Variants in TG observed in about 807,000 individuals in gnomAD.
TG encodes thyroid hormones.
A neutral mutation model predicts 324.7 loss-of-function variants in TG; 270 were observed. The observed-to-expected ratio is 0.83, with a 90% CI of 0.75 to 0.92. The LOEUF is 0.92. TG is among the 40% of genes least tolerant of loss of function. TG has a pLI of 0.00. For missense variants in TG, 3,591 were observed against 3,456.4 expected (o/e 1.04, Z -0.98); for synonymous variants, 1,401 against 1,327.0 (o/e 1.06, Z -1.21).
chr8:132,967,772 C>T, intron 30 of TG, 22 bp from the exon 31 acceptor site: 2 of 1,613,022 alleles, frequency 1.2e-6, no homozygotes, highest in Non-Finnish European at 1.7e-6. Context: ...AAACTAAAAT[C>T]ACACTACTCT....
At chr8:133,044,895 C>G in intron 41 of TG, 1 of 1,323,732 alleles carries the variant, frequency 7.6e-7, no homozygotes, top group Admixed American at 1.7e-5. Flanking sequence ...TAAGCAAGAC[C>G]CCTCTGCATT....
At chr8:132,997,783 A>G (rs1833021831) in intron 35 of TG, among the ~76,000 whole-genome samples, 1 of 152,246 alleles carries the variant, frequency 6.6e-6, no homozygotes, top group Non-Finnish European at 1.5e-5. Context: ...AGCTAAAAAA[A>G]GAATTGTGGA....
chr8:132,886,569 A>C lies in TG; in HGVS notation c.1197A>C (p.Pro399=). The C allele has an allele frequency of 6.2e-7, 1 of 1,614,180 alleles. No individual in the cohort carries two copies. The highest frequency in any genetic ancestry group is 8.5e-7 in the Non-Finnish European group (1 of 1,180,038). ...CCCCAGAGAAAAGATGGGCCTCTCC[A>C]AGAGTAGCCAGATTTGCCACATCCT... The part of the protein sequence containing the change: ...FSSPEKRWAS[P]RVARFATSCP... Residue 399 remains proline (P), a synonymous_variant, in exon 9 of 48, where the codon CCA becomes CCC. Coordinates refer to ENST00000220616, the MANE Select transcript of TG (RefSeq NM_003235.5).
intron 35 of TG, among the ~76,000 whole-genome samples, chr8:132,989,247 C>G (rs1450403324): frequency 6.6e-6 from 1 of 152,196 alleles, no homozygotes; most frequent in Non-Finnish European, 1.5e-5. Flanking sequence ...TTGGGTGGGA[C>G]ACAGAGCCAA....
At position 133,094,828 on chromosome 8, in the gene TG, A is replaced by G. The variant is rs569074278; in HGVS notation, c.7240-216A>G. ...AGCACCCTCACTTCACAGGTTAGGA[A>G]ACTGAGGCCTAGAGAGACATCTTCA... is the stretch of plus-strand genomic sequence containing the variant. On this transcript the variant is annotated intron_variant, in intron 41 of 47. Coordinates refer to ENST00000220616, the MANE Select transcript of TG (RefSeq NM_003235.5). 4 of 648,494 alleles carry G rather than the reference A, an allele frequency of 6.2e-6. No individual in the cohort carries two copies. In the East Asian group the frequency reaches 8.4e-5, roughly 14 times the overall value. 40.2% of individuals were successfully genotyped at this position (648,494 alleles called of 1,614,324 possible). A position where few individuals can be genotyped will look rare whatever the true frequency, so the allele number is the denominator to read the frequency against.
intron 5 of TG, among the ~76,000 whole-genome samples, chr8:132,874,828 G>A (rs370320236): frequency 2.0e-4 from 31 of 152,288 alleles, no homozygotes; most frequent in African/African-American, 4.1e-4. Flanking sequence ...GAGGCTGCAC[G>A]CACGCACTCA....
intron 5 of TG, among the ~76,000 whole-genome samples, chr8:132,877,167 TCTTA>T (rs1813933736): frequency 6.6e-6 from 1 of 152,086 alleles, no homozygotes; most frequent in South Asian, 2.1e-4. Flanking sequence ...TGAGACAGAG[TCTTA>T]CTTTGTCACC....
At chr8:133,079,896 C>T (rs895905603) in intron 41 of TG, among the ~76,000 whole-genome samples, 6 of 151,724 alleles carry the variant, frequency 4.0e-5, no homozygotes, top group Non-Finnish European at 5.9e-5. Flanking sequence ...CCTTCAAGAT[C>T]GCATACAAGA....
chr8:133,105,801 A>G (rs1314163916), intron 43 of TG, among the ~76,000 whole-genome samples: 1 of 152,150 alleles, frequency 6.6e-6, no homozygotes, highest in Non-Finnish European at 1.5e-5. Flanking sequence ...AGACAGCAGA[A>G]CGAGGTTCCA....
chr8:132,956,189 C>G (rs917224287), intron 27 of TG, among the ~76,000 whole-genome samples: 2 of 152,132 alleles, frequency 1.3e-5, no homozygotes, highest in South Asian at 2.1e-4. Context: ...TAATTTGGGG[C>G]TAACCTTCTG....
chr8:133,080,500 C>T (rs1347894951), intron 41 of TG, among the ~76,000 whole-genome samples: 1 of 152,138 alleles, frequency 6.6e-6, no homozygotes, highest in African/African-American at 2.4e-5. Flanking sequence ...CGCCAATGCT[C>T]CCTTCCCATC....
At chr8:132,912,767 G>A (rs1196047424) in intron 19 of TG, among the ~76,000 whole-genome samples, 8 of 152,268 alleles carry the variant, frequency 5.3e-5, no homozygotes, top group Middle Eastern at 3.4e-3. Flanking sequence ...CTGAAGACCC[G>A]ATATCCTATG....
Position 132,886,820 on chromosome 8 carries a change from T to G in TG, c.1448T>G (p.Phe483Cys). Residue 483 changes from phenylalanine to cysteine, a missense_variant, in exon 9 of 48, where the codon TTT (phenylalanine) becomes TGT (cysteine). Transcript: ENST00000220616. The part of the protein sequence containing the change: ...GGKFLVNVGQ[F>C]NLSGALGTRG... ...AAATTTTTGGTGAATGTTGGCCAGTTTAACTTGTCTGGAGCCCTTGGCACA... is the reference window on the plus strand; with the variant it reads ...AAATTTTTGGTGAATGTTGGCCAGTGTAACTTGTCTGGAGCCCTTGGCACA... 6.2e-7 allele frequency: 1 copy of G among 1,614,226 alleles called. No individual in the cohort carries two copies. The highest frequency in any genetic ancestry group is 8.5e-7 in the Non-Finnish European group (1 of 1,180,032).
At chr8:133,098,016 C>T (rs139161178) in intron 43 of TG, among the ~76,000 whole-genome samples, 1 of 152,222 alleles carries the variant, frequency 6.6e-6, no homozygotes, top group African/African-American at 2.4e-5. Context: ...TTGCATCTAG[C>T]TAACTCACAG....
At chr8:132,951,037 C>G (rs1826030479) in intron 27 of TG, among the ~76,000 whole-genome samples, 1 of 152,186 alleles carries the variant, frequency 6.6e-6, no homozygotes, top group Non-Finnish European at 1.5e-5. Flanking sequence ...TGAAACCCAG[C>G]ATTCTGGCTC....
intron 40 of TG, among the ~76,000 whole-genome samples, chr8:133,024,334 CTTTCTTTCTTTCTTTCTT>C (rs1213801568): frequency 2.7e-5 from 3 of 110,368 alleles, no homozygotes; most frequent in African/African-American, 1.2e-4. Flanking sequence ...TTCTTTCTTT[CTTTCTTTCTTTCTTTCTT>C]TCTTTCTTTC....
intron 41 of TG, among the ~76,000 whole-genome samples, chr8:133,045,300 CT>C (rs1453320531): frequency 2.6e-5 from 4 of 151,708 alleles, no homozygotes; most frequent in Non-Finnish European, 5.9e-5. Context: ...CCGTTAGAGA[CT>C]GCAGAAGTGT....
At chr8:132,940,181 A>G (rs533643115) in intron 25 of TG, among the ~76,000 whole-genome samples, 18 of 152,236 alleles carry the variant, frequency 1.2e-4, no homozygotes, top group South Asian at 6.2e-4. Context: ...GTGTGAGTCA[A>G]ATAAGATGGG....
intron 20 of TG, among the ~76,000 whole-genome samples, chr8:132,919,071 A>T (rs1032185578): frequency 3.9e-5 from 6 of 152,076 alleles, no homozygotes; most frequent in Non-Finnish European, 8.8e-5. Context: ...CAAGAACACA[A>T]CTCTGAACCA....
Sources: gnomAD v4.1 joint callset for allele counts (sites outside exome capture counted in the v4.1 genomes callset) on GRCh38, gnomAD v4.1.1 for gene constraint, MANE v1.5 for transcripts, NCBI Gene and HGNC (gene_info 2026-07-23, HGNC 2026-07-21) for gene names.